The following ZFP90 variants were observed in gnomAD, a reference collection of about 807,000 sequenced individuals.
The protein encoded by ZFP90 is zinc finger protein 90 homolog.
A neutral mutation model predicts 60.8 loss-of-function variants in ZFP90; 38 were observed. The ratio of observed to expected loss-of-function variants is 0.62; its 90% CI spans 0.48 to 0.82. The LOEUF is 0.82. Ranked by LOEUF, ZFP90 falls within the 40% of genes least tolerant of loss-of-function variation. The probability of loss-of-function intolerance (pLI) is 0.00; values close to 1 mark genes in which losing one functional copy is unlikely to be tolerated. For synonymous variants in ZFP90, 287 were observed against 264.8 expected, an observed-to-expected ratio of 1.08 and a Z score of -0.82; for missense variants, 711 against 759.1, an observed-to-expected ratio of 0.94 and a Z score of 0.74.
intron 2 of ZFP90, among the ~76,000 whole-genome samples, chr16:68,556,533 C>G (rs965522975): frequency 1.3e-5 from 2 of 152,202 alleles, no homozygotes; most frequent in South Asian, 2.1e-4. Flanking sequence ...TTCATTGATT[C>G]ATTCAGCAAG....
intron 2 of ZFP90, among the ~76,000 whole-genome samples, chr16:68,551,753 G>T (rs566100873): frequency 2.9e-4 from 43 of 150,226 alleles, no homozygotes; most frequent in African/African-American, 8.6e-4. Context: ...GTTGCTTTTT[G>T]GTTTTTGTTT....
chr16:68,551,556 G>T (rs1037236357), intron 2 of ZFP90, among the ~76,000 whole-genome samples: 3 of 151,596 alleles, frequency 2.0e-5, no homozygotes, highest in African/African-American at 7.3e-5. Context: ...CCAAGTAGCT[G>T]GGATTACAGG....
In ZFP90 at chr16:68,564,963, T is replaced by G. The variant is rs2091502262; in HGVS notation, c.*265T>G. 8.4e-7 allele frequency: 1 copy of G among 1,192,640 alleles called. No homozygotes were observed. Among genetic ancestry groups the G allele is most frequent in the African/African-American group, 1.6e-5 (1 of 63,210 alleles). 73.9% of individuals were successfully genotyped at this position (1,192,640 alleles called of 1,614,324 possible). ...GTATGTTGGACTTTGCTTTTGAATA[T>G]ATGTATGCAGGATATCATCAAGTTT... is the stretch of plus-strand genomic sequence containing the variant. On this transcript the variant is annotated 3_prime_UTR_variant, in exon 5 of 5. Coordinates refer to ENST00000563169, the MANE Select transcript of ZFP90 (RefSeq NM_001305203.2).
Position 68,563,894 on chromosome 16 carries a change from G to T in ZFP90, c.1107G>T (p.Lys369Asn). The T allele has an allele frequency of 6.2e-7, 1 of 1,614,066 alleles. No homozygotes were observed. Among genetic ancestry groups the T allele is most frequent in the Middle Eastern group, 1.6e-4 (1 of 6,062 alleles). ...GTGGAGAGAAGCCCTTCCAGTGTAAGGAATGTGGGAAAGCCTTTAGTCGAT... is the reference window on the plus strand; with the variant it reads ...GTGGAGAGAAGCCCTTCCAGTGTAATGAATGTGGGAAAGCCTTTAGTCGAT... Reference protein sequence around the residue: ...THSGEKPFQCKECGKAFSRCS... With the variant: ...THSGEKPFQCNECGKAFSRCS... The change falls in exon 5 of 5, where the codon AAG (lysine) becomes AAT (asparagine). Residue 369 changes from lysine to asparagine, a missense_variant. Around this residue, in one of 5 missense-constraint regions of ZFP90, gnomAD observed 146 missense variants for 201.4 expected, o/e 0.73. Transcript: ENST00000563169.
chr16:68,547,309 G>A lies in ZFP90; in HGVS notation c.33+7484G>A, dbSNP rs1310955068. On this transcript the variant is annotated intron_variant, in intron 2 of 4. Transcript: ENST00000563169. Reference sequence around the variant, plus strand: ...CTTGATAGTAGCCATCCTAACCAGTGTGAGGTGATATCTCATTGTAGTTTT... The same window carrying A: ...CTTGATAGTAGCCATCCTAACCAGTATGAGGTGATATCTCATTGTAGTTTT... 3.9e-5 allele frequency among the ~76,000 whole-genome samples: 6 copies of A among 152,304 alleles called. No homozygotes were observed. The East Asian group carries it at 7.7e-4, about 20-fold the overall frequency.
chr16:68,543,908 C>T (rs1314710380), intron 2 of ZFP90, among the ~76,000 whole-genome samples: 2 of 141,310 alleles, frequency 1.4e-5, no homozygotes, highest in Non-Finnish European at 3.0e-5. Flanking sequence ...TATCAGTGTG[C>T]AGTGTGCAAT....
At chr16:68,549,020 C>T (rs2091206334) in intron 2 of ZFP90, among the ~76,000 whole-genome samples, 1 of 151,984 alleles carries the variant, frequency 6.6e-6, no homozygotes, top group South Asian at 2.1e-4. Context: ...GAGAATTACC[C>T]AGATTCTGTA....
At chr16:68,539,979 G>T (rs1485020773) in intron 2 of ZFP90, among the ~76,000 whole-genome samples, 154 bp downstream of exon 2, 1 of 152,210 alleles carries the variant, frequency 6.6e-6, no homozygotes, top group Non-Finnish European at 1.5e-5. Flanking sequence ...CCCAGGCTTT[G>T]GGGAGCTGGA....
chr16:68,551,734 A>T (rs2091264570), intron 2 of ZFP90, among the ~76,000 whole-genome samples: 1 of 147,764 alleles, frequency 6.8e-6, no homozygotes, highest in South Asian at 2.2e-4. Flanking sequence ...CTTCTTAATA[A>T]CTTTGTTCGT....
chr16:68,541,278 TC>T (rs2091044814), intron 2 of ZFP90, among the ~76,000 whole-genome samples: 1 of 152,078 alleles, frequency 6.6e-6, no homozygotes, highest in Non-Finnish European at 1.5e-5. Context: ...CGTCAATTGA[TC>T]CGCCCACGTT....
At chr16:68,541,170 G>C (rs1001201401) in intron 2 of ZFP90, among the ~76,000 whole-genome samples, 1 of 151,820 alleles carries the variant, frequency 6.6e-6, no homozygotes, top group African/African-American at 2.4e-5. Context: ...CTAGTAGCTG[G>C]GATTAACAGG....
chr16:68,537,250 C>T (rs1299966331), upstream of ZFP90, among the ~76,000 whole-genome samples: 4 of 152,082 alleles, frequency 2.6e-5, no homozygotes, highest in Non-Finnish European at 4.4e-5. Context: ...TACAGCCTCC[C>T]AAGTAGCTGT....
Position 68,563,711 on chromosome 16 carries a change from A to G in ZFP90, c.924A>G (p.Lys308=), listed in dbSNP as rs201508668. Reference sequence around the variant, plus strand: ...ATGAGAATGCTCATACCGGAGAGAAACCCTATCAGTGTAGTCTCTGTGGGA... The same window carrying G: ...ATGAGAATGCTCATACCGGAGAGAAGCCCTATCAGTGTAGTCTCTGTGGGA... ...GQHENAHTGE[K]PYQCSLCGKA... is the part of the protein sequence containing the mutation. The change falls in exon 5 of 5, where the codon AAA becomes AAG. Residue 308 remains lysine, a synonymous_variant. Transcript: ENST00000563169. 6.2e-7 allele frequency: 1 copy of G among 1,614,074 alleles called. No homozygotes were observed. Among genetic ancestry groups the G allele is most frequent in the Non-Finnish European group, 8.5e-7 (1 of 1,179,972 alleles).
intron 2 of ZFP90, among the ~76,000 whole-genome samples, chr16:68,547,396 T>C (rs1438609777): frequency 6.6e-6 from 1 of 152,234 alleles, no homozygotes; most frequent in Non-Finnish European, 1.5e-5. Flanking sequence ...TTTGGAGAAA[T>C]GTTTATTCAA....
intron 2 of ZFP90, 74 bp downstream of exon 2, chr16:68,539,899 A>G (rs1048347821): frequency 6.5e-7 from 1 of 1,547,290 alleles, no homozygotes; most frequent in African/African-American, 1.4e-5. Flanking sequence ...TGTTTGGAGC[A>G]GTCATTGTTC....
At chr16:68,553,677 GGTGTCATCGTGGCTCACTGTA>G (rs1327021451) in intron 2 of ZFP90, among the ~76,000 whole-genome samples, 1 of 152,070 alleles carries the variant, frequency 6.6e-6, no homozygotes, top group Non-Finnish European at 1.5e-5. Flanking sequence ...AGAATGAAGT[GGTGTCATCGTGGCTCACTGTA>G]GCCTTGAACT....
At chr16:68,571,925 C>T (rs900476334), downstream of ZFP90, among the ~76,000 whole-genome samples, 3 of 152,184 alleles carry the variant, frequency 2.0e-5, no homozygotes, top group African/African-American at 7.2e-5. Flanking sequence ...AGATGAGGAG[C>T]ATGAGTGACT....
chr16:68,548,333 T>C (rs2091189963), intron 2 of ZFP90, among the ~76,000 whole-genome samples: 1 of 152,090 alleles, frequency 6.6e-6, no homozygotes, highest in Non-Finnish European at 1.5e-5. Flanking sequence ...TGGCAACAAT[T>C]TTCTCTATTT....
At chr16:68,567,263 A>T, downstream of ZFP90, 15 of 655,168 alleles carry the variant, frequency 2.3e-5, no homozygotes, top group Non-Finnish European at 2.6e-5. Flanking sequence ...TTGAATGCTT[A>T]CTACTTTAAA....
Sources: allele counts gnomAD v4.1 joint callset (sites outside exome capture counted in the v4.1 genomes callset), GRCh38; gene constraint gnomAD v4.1.1; regional missense constraint gnomAD v4.1.1; transcripts MANE v1.5; gene names NCBI Gene and HGNC (gene_info 2026-07-23, HGNC 2026-07-21).